MME: variants seen among roughly 807,000 people sequenced by gnomAD.
The protein encoded by MME is neprilysin.
MME carries 98 observed loss-of-function variants against 113.2 expected under a neutral mutation model. The ratio of observed to expected loss-of-function variants is 0.87; its 90% confidence interval spans 0.74 to 1.02. The LOEUF is 1.02. Among genes scored for constraint, MME ranks in the 50% least tolerant of loss-of-function variants. The pLI is 0.00. For missense variants in MME, 836 were observed against 896.0 expected, an observed-to-expected ratio of 0.93 and a Z score of 0.86; for synonymous variants, 292 against 300.6, an observed-to-expected ratio of 0.97 and a Z score of 0.30.
chr3:155,090,062 G>A (rs771965238), intron 3 of MME: 8 of 260,920 alleles, frequency 3.1e-5, no homozygotes, highest in South Asian at 1.2e-4. Context: ...AAGCTAAGAC[G>A]TGATCAATAC....
intron 1 of MME, among the ~76,000 whole-genome samples, chr3:155,048,418 T>C (rs1713640449): frequency 6.6e-6 from 1 of 152,250 alleles, no homozygotes; most frequent in Admixed American, 6.5e-5. Flanking sequence ...TCAGAATTTT[T>C]GTTTGTTGTT....
intron 8 of MME, among the ~76,000 whole-genome samples, chr3:155,129,119 AC>A (rs1719934428): frequency 6.6e-6 from 1 of 152,168 alleles, no homozygotes; most frequent in Non-Finnish European, 1.5e-5. Context: ...AGGGTCACCA[AC>A]TTTTTTTGTC....
At chr3:155,063,303 GATATA>G (rs1263136726) in intron 1 of MME, among the ~76,000 whole-genome samples, 20 of 99,342 alleles carry the variant, frequency 2.0e-4, no homozygotes, top group South Asian at 5.6e-4. Flanking sequence ...ATTATATAAA[GATATA>G]ATATATCATT....
At chr3:155,132,415 T>C (rs1720213329) in intron 8 of MME, among the ~76,000 whole-genome samples, 1 of 152,182 alleles carries the variant, frequency 6.6e-6, no homozygotes, top group Non-Finnish European at 1.5e-5. Context: ...GTAAATATCA[T>C]CTCATTGGTA....
At chr3:155,125,848 C>T (rs986259588) in intron 8 of MME, among the ~76,000 whole-genome samples, 1 of 152,090 alleles carries the variant, frequency 6.6e-6, no homozygotes, top group African/African-American at 2.4e-5. Context: ...GGTGTTGGTT[C>T]TACAAAGGTT....
intron 2 of MME, 90 bp from the exon 3 acceptor site, chr3:155,084,969 T>A: frequency 1.2e-6 from 1 of 826,440 alleles, no homozygotes; most frequent in Non-Finnish European, 1.9e-6. Context: ...AATTGCTTAT[T>A]TAATTGGCAG....
intron 8 of MME, among the ~76,000 whole-genome samples, chr3:155,134,836 G>A (rs62277288): frequency 0.021 from 3,227 of 152,184 alleles, 54 homozygotes; most frequent in Non-Finnish European, 0.034. Flanking sequence ...ATTCCAACTG[G>A]TGTGAGATGG....
At chr3:155,094,602 A>G (rs1415317356) in intron 3 of MME, among the ~76,000 whole-genome samples, 1 of 152,220 alleles carries the variant, frequency 6.6e-6, no homozygotes, top group African/African-American at 2.4e-5. Context: ...TACATTTTAC[A>G]TATTCTCAAA....
chr3:155,170,912 T>C (rs1711864414), intron 20 of MME, among the ~76,000 whole-genome samples: 2 of 152,198 alleles, frequency 1.3e-5, no homozygotes, highest in South Asian at 4.1e-4. Flanking sequence ...ATTCTCCTTT[T>C]GCCTGATGTT....
At chr3:155,075,695 A>G (rs1714723238), upstream of MME, among the ~76,000 whole-genome samples, 1 of 152,040 alleles carries the variant, frequency 6.6e-6, no homozygotes, top group Non-Finnish European at 1.5e-5. Context: ...TAAGGACTTC[A>G]TTTTATTTAT....
At chr3:155,144,263 T>A (rs1161059373) in intron 13 of MME, 96 bp from the exon 14 acceptor site, 2 of 825,078 alleles carry the variant, frequency 2.4e-6, no homozygotes, top group Non-Finnish European at 4.2e-6. Flanking sequence ...ATTAACATAT[T>A]AAGTCATACA....
intron 1 of MME, among the ~76,000 whole-genome samples, chr3:155,057,771 T>A (rs1400257723): frequency 6.6e-6 from 1 of 151,672 alleles, no homozygotes; most frequent in Non-Finnish European, 1.5e-5. Context: ...ATCAGCGACA[T>A]TTTTTAGGAT....
chr3:155,052,547 C>T lies in MME; in HGVS notation c.-11+28223C>T, dbSNP rs138196724. 2.6e-3 allele frequency among the ~76,000 whole-genome samples: 399 copies of T among 152,370 alleles called. 1 individual carries two copies. Among genetic ancestry groups the T allele is most frequent in the Middle Eastern group, 0.01 (3 of 294 alleles). On this transcript the variant is annotated intron_variant, in intron 1 of 22. Coordinates refer to the MME transcript ENST00000492661. ...ACACCCTCTGAAGCAATGACCTGAG[C>T]TGTATCTTGGCCCCTTTTAGCCACA...
intron 1 of MME, among the ~76,000 whole-genome samples, chr3:155,073,440 T>C (rs1559900217): frequency 6.6e-6 from 1 of 152,230 alleles, no homozygotes; most frequent in Admixed American, 6.5e-5. Context: ...TAGACACTAA[T>C]CAGTGCATGA....
At chr3:155,086,979 GTTTTTTGTT>G (rs1481686061) in intron 3 of MME, among the ~76,000 whole-genome samples, 1 of 145,590 alleles carries the variant, frequency 6.9e-6, no homozygotes, top group Non-Finnish European at 1.5e-5. Context: ...TAGGTTGTGG[GTTTTTTGTT>G]TTTTTTGTTT....
chr3:155,080,756 A>G (rs1251387076), intron 1 of MME, among the ~76,000 whole-genome samples: 4 of 152,168 alleles, frequency 2.6e-5, no homozygotes, highest in African/African-American at 7.2e-5. Context: ...TTCTCGATCA[A>G]GTCGATTCCT....
intron 9 of MME, 58 bp downstream of exon 9, chr3:155,138,294 C>T: frequency 6.5e-7 from 1 of 1,545,662 alleles, no homozygotes; most frequent in Non-Finnish European, 8.9e-7. Context: ...TTTTTCTTTC[C>T]CCTCTCTATC....
intron 16 of MME, among the ~76,000 whole-genome samples, chr3:155,156,528 T>C (rs1722316976): frequency 6.6e-6 from 1 of 152,180 alleles, no homozygotes; most frequent in Non-Finnish European, 1.5e-5. Flanking sequence ...TTCCCAGTTA[T>C]ATAACGTAGT....
chr3:155,086,153 G>A (rs1188463191), intron 3 of MME, among the ~76,000 whole-genome samples: 1 of 152,288 alleles, frequency 6.6e-6, no homozygotes, highest in East Asian at 1.9e-4. Flanking sequence ...AGCTGAAGAG[G>A]TTGGCCTGTG....
Sources: allele counts gnomAD v4.1 joint callset (sites outside exome capture counted in the v4.1 genomes callset), GRCh38; gene constraint gnomAD v4.1.1; transcripts MANE v1.5; gene names NCBI Gene and HGNC (gene_info 2026-07-23, HGNC 2026-07-21).